The following ZNF346 variants were observed in gnomAD, a reference collection of about 807,000 sequenced individuals.
ZNF346 encodes the protein double-stranded RNA-binding zinc finger protein JAZ.
ZNF346 carries 23 observed loss-of-function variants against 33.7 expected under a neutral mutation model. The observed-to-expected ratio is 0.68, with a 90% confidence interval of 0.49 to 0.97. The LOEUF is 0.97. Ranked by LOEUF, ZNF346 falls within the 50% of genes least tolerant of loss-of-function variation. The pLI, the probability that ZNF346 is intolerant of heterozygous loss-of-function variation, is 0.00. For missense variants in ZNF346, 340 were observed against 371.1 expected (o/e 0.92, Z 0.69); for synonymous variants, 134 against 142.4 (o/e 0.94, Z 0.42).
At chr5:177,037,621 A>G (rs1420267635) in intron 1 of ZNF346, among the ~76,000 whole-genome samples, 2 of 152,150 alleles carry the variant, frequency 1.3e-5, no homozygotes, top group Non-Finnish European at 2.9e-5. Flanking sequence ...GCCGGAACAT[A>G]ATTCCAAATT....
intron 1 of ZNF346, among the ~76,000 whole-genome samples, chr5:177,036,273 A>G (rs1778498973): frequency 1.3e-5 from 2 of 152,218 alleles, no homozygotes; most frequent in Admixed American, 1.3e-4. Flanking sequence ...TGGTGGCCTC[A>G]GAGCAGTCAG....
downstream of ZNF346, among the ~76,000 whole-genome samples, chr5:177,072,528 G>T (rs529289967): frequency 2.1e-4 from 32 of 152,146 alleles, no homozygotes; most frequent in Non-Finnish European, 3.7e-4. Flanking sequence ...TGTCCAGCAT[G>T]TAAGGACAGC....
intron 4 of ZNF346, among the ~76,000 whole-genome samples, chr5:177,049,390 G>T (rs1439035370): frequency 6.6e-6 from 1 of 152,128 alleles, no homozygotes; most frequent in Non-Finnish European, 1.5e-5. Flanking sequence ...GGGCTTCTGG[G>T]CCCCACATTT....
At chr5:177,051,002 C>G (rs1316443642) in intron 5 of ZNF346, 66 bp downstream of exon 5, 1 of 1,305,718 alleles carries the variant, frequency 7.7e-7, no homozygotes, top group African/African-American at 1.5e-5. Flanking sequence ...CCCGGACCAG[C>G]TGACGTTGTG....
intron 3 of ZNF346, 106 bp from the exon 4 acceptor site, chr5:177,044,283 T>G (rs58095821): frequency 7.9e-7 from 1 of 1,273,444 alleles, no homozygotes; most frequent in Non-Finnish European, 1.1e-6. Flanking sequence ...GGTTAATGTG[T>G]GAGGGGGGCC....
At chr5:177,057,087 G>T (rs1781787591) in intron 5 of ZNF346, among the ~76,000 whole-genome samples, 1 of 152,090 alleles carries the variant, frequency 6.6e-6, no homozygotes, top group Admixed American at 6.5e-5. Flanking sequence ...GAGGCGGGTG[G>T]ATCATCTGAG....
chr5:177,043,774 A>T (rs907359974), intron 3 of ZNF346, among the ~76,000 whole-genome samples: 6 of 152,008 alleles, frequency 3.9e-5, no homozygotes, highest in Admixed American at 6.6e-5. Flanking sequence ...AAAAAAAAAA[A>T]ACCTAATGGT....
chr5:177,046,894 A>G (rs1355903437), intron 4 of ZNF346, among the ~76,000 whole-genome samples: 1 of 151,614 alleles, frequency 6.6e-6, no homozygotes, highest in Non-Finnish European at 1.5e-5. Context: ...ATTGCAAAAG[A>G]TACAAAGAAG....
At chr5:177,023,347 C>T in intron 1 of ZNF346, 1 of 794,912 alleles carries the variant, frequency 1.3e-6, no homozygotes, top group Non-Finnish European at 2.1e-6. Context: ...CTTCCGAGGG[C>T]TCTGGAAGGC....
chr5:177,064,456 A>C, intron 6 of ZNF346, 56 bp from the exon 7 acceptor site: 3 of 1,373,296 alleles, frequency 2.2e-6, no homozygotes, highest in Non-Finnish European at 3.1e-6. Flanking sequence ...TCATTGCAGT[A>C]GGCCAATACA....
At chr5:177,033,898 T>C (rs371906311) in intron 1 of ZNF346, among the ~76,000 whole-genome samples, 2 of 152,206 alleles carry the variant, frequency 1.3e-5, no homozygotes, top group African/African-American at 2.4e-5. Context: ...CAAGTCATTT[T>C]TGAGACAGGG....
At chr5:177,043,188 A>G (rs568708660) in intron 3 of ZNF346, among the ~76,000 whole-genome samples, 1 of 151,942 alleles carries the variant, frequency 6.6e-6, no homozygotes, top group Admixed American at 6.6e-5. Flanking sequence ...TCGTAGAGAC[A>G]GGGTCTCGCT....
At chr5:177,059,765 A>G (rs574750511) in intron 5 of ZNF346, among the ~76,000 whole-genome samples, 4 of 152,206 alleles carry the variant, frequency 2.6e-5, no homozygotes, top group Admixed American at 1.3e-4. Flanking sequence ...GTCAATAAGT[A>G]TTTATTGGAC....
At chr5:177,030,281 A>G (rs1777483479) in intron 1 of ZNF346, among the ~76,000 whole-genome samples, 1 of 152,042 alleles carries the variant, frequency 6.6e-6, no homozygotes, top group African/African-American at 2.4e-5. Context: ...ATTAAATTCC[A>G]TTGCGTTCAA....
At chr5:177,072,663 A>G (rs556598044), downstream of ZNF346, among the ~76,000 whole-genome samples, 4 of 152,338 alleles carry the variant, frequency 2.6e-5, no homozygotes, top group Admixed American at 1.3e-4. Context: ...CAGCTGGCCA[A>G]CATGATGAAA....
chr5:177,069,563 C>T (rs1486531555), downstream of ZNF346, among the ~76,000 whole-genome samples: 3 of 152,144 alleles, frequency 2.0e-5, no homozygotes, highest in African/African-American at 7.2e-5. Flanking sequence ...GATGTTCTCA[C>T]TCTGGCCCCC....
At chr5:177,076,272 A>G (rs748390248) in intron 8 of ZNF346, among the ~76,000 whole-genome samples, 7 of 152,254 alleles carry the variant, frequency 4.6e-5, no homozygotes, top group South Asian at 2.1e-4. Context: ...AAGCAGCCCT[A>G]TCAAGAGGCT....
chr5:177,078,609 C>T (rs551259078), intron 8 of ZNF346, among the ~76,000 whole-genome samples: 1 of 152,222 alleles, frequency 6.6e-6, no homozygotes, highest in East Asian at 1.9e-4. Flanking sequence ...AACAAGACCC[C>T]GTCTCTAATA....
chr5:177,047,240 G>A (rs549146703), intron 4 of ZNF346, among the ~76,000 whole-genome samples: 1 of 151,836 alleles, frequency 6.6e-6, no homozygotes, highest in East Asian at 1.9e-4. Context: ...TTAGAGACGG[G>A]GTTTCACTAT....
Sources: gnomAD v4.1 joint callset for allele counts (sites outside exome capture counted in the v4.1 genomes callset) on GRCh38, gnomAD v4.1.1 for gene constraint, MANE v1.5 for transcripts, NCBI Gene and HGNC (gene_info 2026-07-23, HGNC 2026-07-21) for gene names.